Variants in RIMS1 observed in about 807,000 individuals in gnomAD.
RIMS1 encodes regulating synaptic membrane exocytosis protein 1.
In RIMS1, 83 loss-of-function variants were observed where a neutral mutation model predicts 214.1. The observed-to-expected ratio is 0.39, with a 90% CI of 0.32 to 0.47. RIMS1 has a LOEUF of 0.47. Among genes scored for constraint, RIMS1 ranks in the 20% least tolerant of loss-of-function variants. The probability of loss-of-function intolerance (pLI) is 0.99; values close to 1 mark genes in which losing one functional copy is unlikely to be tolerated. For missense variants in RIMS1, 2,050 were observed against 2,161.8 expected, an observed-to-expected ratio of 0.95 and a Z score of 1.03; for synonymous variants, 793 against 786.8, an observed-to-expected ratio of 1.01 and a Z score of -0.13.
intron 4 of RIMS1, chr6:72,148,481 C>T: frequency 2.6e-6 from 1 of 383,184 alleles, no homozygotes. Context: ...GTGACCTTCA[C>T]CACGTAGCAG....
chr6:72,258,734 A>C (rs2076858886), intron 17 of RIMS1, among the ~76,000 whole-genome samples: 1 of 152,166 alleles, frequency 6.6e-6, no homozygotes, highest in African/African-American at 2.4e-5. Flanking sequence ...TACACTCCTG[A>C]AATTGTAATT....
intron 23 of RIMS1, among the ~76,000 whole-genome samples, chr6:72,279,834 T>C (rs1456471138): frequency 6.6e-6 from 1 of 151,920 alleles, no homozygotes; most frequent in South Asian, 2.1e-4. Context: ...TCCTCATCTC[T>C]AAACTTAACT....
Position 72,183,215 on chromosome 6 carries a change from G to A in RIMS1, c.1678+66G>A, listed in dbSNP as rs1588678389. ...TGAAGAGGCGTGGGCAGAGGTGCAG[G>A]TGCTAGGCTAGTTGCTGGGTTCAGC... On this transcript the variant is annotated intron_variant, in intron 6 of 33. Coordinates refer to ENST00000521978, the MANE Select transcript of RIMS1 (RefSeq NM_014989.7). 12 of 1,513,562 alleles carry A rather than the reference G, an allele frequency of 7.9e-6. No individual in the cohort carries two copies. In the East Asian group the frequency reaches 1.9e-4, roughly 24 times the overall value. 93.8% of individuals were successfully genotyped at this position (1,513,562 alleles called of 1,614,324 possible). A position where few individuals can be genotyped will look rare whatever the true frequency, so the allele number is the denominator to read the frequency against.
At chr6:72,030,151 G>T (rs1257085478) in intron 2 of RIMS1, among the ~76,000 whole-genome samples, 2 of 152,140 alleles carry the variant, frequency 1.3e-5, no homozygotes, top group Admixed American at 6.6e-5. Context: ...TAATGAACAT[G>T]CAAATCACCT....
In RIMS1 at chr6:72,186,718, T is replaced by C. The variant is rs2049147917; in HGVS notation, c.1678+3569T>C. Among the ~76,000 whole-genome samples, 3 of 152,190 alleles carry C rather than the reference T, an allele frequency of 2.0e-5. No individual in the cohort carries two copies. In the South Asian group the frequency reaches 6.2e-4, roughly 32 times the overall value. ...ATTGCATAATAAATTATATACAAAATATTATAATTTAAGAATTACTTCACT... is the reference window on the plus strand; with the variant it reads ...ATTGCATAATAAATTATATACAAAACATTATAATTTAAGAATTACTTCACT... On this transcript the variant is annotated intron_variant, in intron 6 of 33. Transcript: ENST00000521978.
intron 22 of RIMS1, among the ~76,000 whole-genome samples, chr6:72,271,187 A>G (rs1377350750): frequency 6.7e-6 from 1 of 149,362 alleles, no homozygotes; most frequent in African/African-American, 2.5e-5. Flanking sequence ...AATCGCTTGA[A>G]CCCGGGGAGC....
intron 6 of RIMS1, among the ~76,000 whole-genome samples, chr6:72,207,015 A>G (rs1021718290): frequency 6.6e-6 from 1 of 152,224 alleles, no homozygotes; most frequent in African/African-American, 2.4e-5. Flanking sequence ...ATCTTGACAC[A>G]AAGTTCATAA....
At chr6:72,369,379 G>A (rs1213611325) in intron 29 of RIMS1, among the ~76,000 whole-genome samples, 1 of 152,030 alleles carries the variant, frequency 6.6e-6, no homozygotes, top group African/African-American at 2.4e-5. Flanking sequence ...GTATATCTCA[G>A]TCAGATTCTA....
chr6:72,233,746 A>G (rs767783102), intron 6 of RIMS1, 27 bp from the exon 7 acceptor site: 210 of 1,502,596 alleles, frequency 1.4e-4, no homozygotes, highest in Non-Finnish European at 1.8e-4. Flanking sequence ...ATACCATTAC[A>G]CTTTTCATTC....
chr6:71,953,781 A>T (rs924982307), intron 1 of RIMS1, among the ~76,000 whole-genome samples: 1 of 152,232 alleles, frequency 6.6e-6, no homozygotes, highest in Non-Finnish European at 1.5e-5. Context: ...AATGAGGAAG[A>T]AAGCCAAAGC....
At chr6:72,235,938 A>G (rs1365919463) in intron 8 of RIMS1, among the ~76,000 whole-genome samples, 1 of 152,108 alleles carries the variant, frequency 6.6e-6, no homozygotes, top group Non-Finnish European at 1.5e-5. Context: ...TTTGCATTAA[A>G]AAGATTTAAA....
At chr6:72,319,188 A>G (rs139497992) in intron 28 of RIMS1, among the ~76,000 whole-genome samples, 138 of 152,288 alleles carry the variant, frequency 9.1e-4, no homozygotes, top group African/African-American at 3.1e-3. Context: ...GTTGGATGTT[A>G]AACTGGAAGT....
chr6:72,236,854 C>G (rs779677901), intron 8 of RIMS1, among the ~76,000 whole-genome samples: 42 of 151,552 alleles, frequency 2.8e-4, no homozygotes, highest in Admixed American at 8.5e-4. Flanking sequence ...TCAAAGTCAT[C>G]CTGGGCCACT....
At chr6:71,909,911 C>T (rs1776378329) in intron 1 of RIMS1, among the ~76,000 whole-genome samples, 3 of 152,142 alleles carry the variant, frequency 2.0e-5, no homozygotes, top group Admixed American at 1.3e-4. Flanking sequence ...TGTCTGCCCT[C>T]CTCTCATAGA....
chr6:72,206,224 A>T (rs2052883140), intron 6 of RIMS1, among the ~76,000 whole-genome samples: 1 of 152,188 alleles, frequency 6.6e-6, no homozygotes, highest in Non-Finnish European at 1.5e-5. Flanking sequence ...TTAGAGCTTA[A>T]GGCATTATGC....
At chr6:71,976,940 T>A (rs1195590064) in intron 2 of RIMS1, among the ~76,000 whole-genome samples, 5 of 152,108 alleles carry the variant, frequency 3.3e-5, no homozygotes, top group African/African-American at 1.2e-4. Flanking sequence ...GTCTTTGATA[T>A]TGTGAATAGT....
intron 1 of RIMS1, among the ~76,000 whole-genome samples, chr6:71,965,391 A>C (rs1794159324): frequency 6.6e-6 from 1 of 152,176 alleles, no homozygotes; most frequent in African/African-American, 2.4e-5. Context: ...TGTTTCTTGA[A>C]GGCATTTAGA....
intron 1 of RIMS1, among the ~76,000 whole-genome samples, chr6:71,915,496 C>T (rs1778105479): frequency 6.6e-6 from 1 of 152,116 alleles, no homozygotes; most frequent in Non-Finnish European, 1.5e-5. Flanking sequence ...GAATCTTTTT[C>T]ACTTGAGAAC....
chr6:72,346,673 C>T (rs1266035250), intron 29 of RIMS1, among the ~76,000 whole-genome samples: 1 of 151,256 alleles, frequency 6.6e-6, no homozygotes, highest in Non-Finnish European at 1.5e-5. Context: ...GTTTTTAGGG[C>T]CCATGAGAGA....
Sources: gnomAD v4.1 joint callset for allele counts (sites outside exome capture counted in the v4.1 genomes callset) on GRCh38, gnomAD v4.1.1 for gene constraint, MANE v1.5 for transcripts, NCBI Gene and HGNC (gene_info 2026-07-23, HGNC 2026-07-21) for gene names.